The following SLC14A2 variants were observed in gnomAD, a reference collection of about 807,000 sequenced individuals.
SLC14A2 encodes the protein solute carrier family 14 member 2.
Under a neutral mutation model 104.6 loss-of-function variants are expected in SLC14A2, and 91 were observed. The observed-to-expected ratio is 0.87, with a 90% CI of 0.73 to 1.04. SLC14A2 has a LOEUF of 1.04. Ranked by LOEUF, SLC14A2 falls within the 50% of genes least tolerant of loss-of-function variation. The pLI is 0.00. For synonymous variants in SLC14A2, 476 were observed against 466.4 expected (o/e 1.02, Z -0.27); for missense variants, 1,189 against 1,156.0 (o/e 1.03, Z -0.41).
intron 2 of SLC14A2, among the ~76,000 whole-genome samples, chr18:45,512,003 G>T (rs1472611034): frequency 6.6e-6 from 1 of 152,146 alleles, no homozygotes; most frequent in Non-Finnish European, 1.5e-5. Context: ...GTAGAAAAAT[G>T]GGCTCTCAGC....
intron 2 of SLC14A2, among the ~76,000 whole-genome samples, chr18:45,505,321 T>C (rs1209915808): frequency 1.3e-5 from 2 of 152,168 alleles, no homozygotes; most frequent in Admixed American, 1.3e-4. Flanking sequence ...TGACAGCCTT[T>C]GACAGTCTTT....
chr18:45,396,636 T>G (rs996708593), intron 1 of SLC14A2, among the ~76,000 whole-genome samples: 11 of 151,612 alleles, frequency 7.3e-5, no homozygotes, highest in Non-Finnish European at 8.8e-5. Context: ...TGTTTTTGTT[T>G]TTTTTCTTTT....
At chr18:45,235,753 T>G (rs1171765343) in intron 1 of SLC14A2, among the ~76,000 whole-genome samples, 4 of 150,444 alleles carry the variant, frequency 2.7e-5, no homozygotes, top group Non-Finnish European at 4.4e-5. Flanking sequence ...ATGACAAGAT[T>G]TCATTCATTT....
intron 2 of SLC14A2, among the ~76,000 whole-genome samples, chr18:45,505,935 G>A (rs550453375): frequency 2.0e-5 from 3 of 152,182 alleles, no homozygotes; most frequent in South Asian, 2.1e-4. Context: ...ATTTCTCTCC[G>A]CAGAACTAGG....
intron 1 of SLC14A2, among the ~76,000 whole-genome samples, chr18:45,250,046 T>C (rs73952811): frequency 0.031 from 4,663 of 152,230 alleles, 198 homozygotes; most frequent in African/African-American, 0.093. Context: ...GGACCCTCAC[T>C]AAGGCCAGAT....
the SLC14A2 span, among the ~76,000 whole-genome samples, chr18:45,170,143 G>A: frequency 3.9e-5 from 6 of 152,054 alleles, no homozygotes; most frequent in African/African-American, 4.8e-5. Flanking sequence ...GTCGTGGCTC[G>A]GTCACTCTGC....
chr18:45,404,901 G>T (rs948659866), intron 1 of SLC14A2, among the ~76,000 whole-genome samples: 2 of 152,116 alleles, frequency 1.3e-5, no homozygotes, highest in African/African-American at 4.8e-5. Context: ...AACAAAGCAG[G>T]GTTGCAGTGT....
At chr18:45,584,726 T>G (rs1298763213) in intron 2 of SLC14A2, among the ~76,000 whole-genome samples, 1 of 152,178 alleles carries the variant, frequency 6.6e-6, no homozygotes, top group Admixed American at 6.5e-5. Flanking sequence ...CAGCTCTAGC[T>G]CTGTGTGAGC....
At chr18:45,296,781 G>A (rs1341994981) in intron 1 of SLC14A2, among the ~76,000 whole-genome samples, 2 of 141,878 alleles carry the variant, frequency 1.4e-5, no homozygotes, top group Non-Finnish European at 3.1e-5. Context: ...AGGGAGAAAA[G>A]TGTATGACAA....
At chr18:45,495,062 G>A (rs186304443) in intron 2 of SLC14A2, among the ~76,000 whole-genome samples, 2 of 152,068 alleles carry the variant, frequency 1.3e-5, no homozygotes, top group Non-Finnish European at 2.9e-5. Context: ...TTCCTCACTT[G>A]GATCCTAGAT....
intron 1 of SLC14A2, among the ~76,000 whole-genome samples, chr18:45,235,623 T>C (rs903695174): frequency 2.0e-4 from 31 of 151,826 alleles, no homozygotes; most frequent in African/African-American, 6.3e-4. Context: ...CTCTCTACTT[T>C]CTGTGAGATC....
Position 45,682,366 on chromosome 18 carries a change from C to A in SLC14A2, c.2610C>A (p.Thr870=). ...GGCCCTTCTGTCTCTCAGCTCTCACCTTCCTGCTCCTGACGACCAATAACC... is the reference window on the plus strand; with the variant it reads ...GGCCCTTCTGTCTCTCAGCTCTCACATTCCTGCTCCTGACGACCAATAACC... The part of the protein sequence containing the change: ...CTWPFCLSAL[T]FLLLTTNNPA... The change falls in exon 20 of 20, where the codon ACC becomes ACA. Residue 870 remains threonine (T), a synonymous_variant. Transcript: ENST00000255226. The A allele has an allele frequency of 1.2e-6, 2 of 1,614,178 alleles. No individual in the cohort carries two copies. Among genetic ancestry groups the A allele is most frequent in the East Asian group, 2.2e-5 (1 of 44,878 alleles).
the SLC14A2 span, among the ~76,000 whole-genome samples, chr18:45,176,622 T>C: frequency 6.6e-6 from 1 of 152,224 alleles, no homozygotes; most frequent in Non-Finnish European, 1.5e-5. Context: ...CAAAATGTCT[T>C]ATTTGACGTT....
intron 1 of SLC14A2, among the ~76,000 whole-genome samples, chr18:45,329,227 G>A (rs2085265919): frequency 6.6e-6 from 1 of 152,166 alleles, no homozygotes. Context: ...CATTTCTTCT[G>A]TATTATGGAG....
intron 1 of SLC14A2, among the ~76,000 whole-genome samples, chr18:45,234,877 C>T (rs2084209894): frequency 6.6e-6 from 1 of 151,682 alleles, no homozygotes. Context: ...TTTCTTTATC[C>T]AATACCTTAT....
At chr18:45,174,133 C>G in the SLC14A2 span, among the ~76,000 whole-genome samples, 1 of 152,058 alleles carries the variant, frequency 6.6e-6, no homozygotes, top group South Asian at 2.1e-4. Flanking sequence ...CTCATCATTT[C>G]TATTTTAAAG....
At chr18:45,605,964 A>T (rs1357088419) in intron 2 of SLC14A2, among the ~76,000 whole-genome samples, 2 of 152,202 alleles carry the variant, frequency 1.3e-5, no homozygotes, top group Non-Finnish European at 2.9e-5. Flanking sequence ...CGGGGTATTG[A>T]GTTCCATACT....
chr18:45,336,584 C>T (rs781436689), intron 1 of SLC14A2, among the ~76,000 whole-genome samples: 1 of 152,192 alleles, frequency 6.6e-6, no homozygotes, highest in East Asian at 1.9e-4. Context: ...CTCTGTCCCC[C>T]TGTTACCTCA....
chr18:45,593,449 G>T (rs1309520199), intron 2 of SLC14A2, among the ~76,000 whole-genome samples: 1 of 149,114 alleles, frequency 6.7e-6, no homozygotes, highest in Non-Finnish European at 1.5e-5. Context: ...TCCCAAGAAT[G>T]ACATTCTGAG....
Sources: gnomAD v4.1 joint callset for allele counts (sites outside exome capture counted in the v4.1 genomes callset) on GRCh38, gnomAD v4.1.1 for gene constraint, MANE v1.5 for transcripts, NCBI Gene and HGNC (gene_info 2026-07-23, HGNC 2026-07-21) for gene names.